NBEA: variants seen among roughly 807,000 people sequenced by gnomAD.
The protein encoded by NBEA is neurobeachin, also known as lysosomal-trafficking regulator 2.
Under a neutral mutation model 343.4 loss-of-function variants are expected in NBEA, and 44 were observed. That is an observed-to-expected ratio of 0.13 (90% CI 0.10 to 0.16). NBEA has a LOEUF of 0.16. Ranked by LOEUF, NBEA falls within the 10% of genes least tolerant of loss-of-function variation. NBEA has a pLI of 1.00. For missense variants in NBEA, 2,555 were observed against 3,631.3 expected (o/e 0.70, Z 7.62); for synonymous variants, 1,175 against 1,238.7 (o/e 0.95, Z 1.08).
intron 31 of NBEA, among the ~76,000 whole-genome samples, chr13:35,203,469 C>T (rs2073158826): frequency 6.6e-6 from 1 of 152,148 alleles, no homozygotes; most frequent in Non-Finnish European, 1.5e-5. Context: ...ATTTTTCTTA[C>T]AGCACTTAAC....
intron 1 of NBEA, among the ~76,000 whole-genome samples, chr13:34,999,981 G>A (rs1391548740): frequency 6.6e-6 from 1 of 152,058 alleles, no homozygotes; most frequent in Non-Finnish European, 1.5e-5. Flanking sequence ...TCTTCCTTCT[G>A]TCTGTCTACA....
chr13:35,316,738 G>C (rs939777566), intron 36 of NBEA, among the ~76,000 whole-genome samples: 1 of 152,122 alleles, frequency 6.6e-6, no homozygotes, highest in East Asian at 1.9e-4. Flanking sequence ...GTGTAACAGC[G>C]TTCCTATTTC....
rs9593306 is a variant in NBEA, at chr13:35,597,161, A to G, written c.7296+3714A>G. Among the ~76,000 whole-genome samples, 293 of 152,310 alleles carry G rather than the reference A, an allele frequency of 1.9e-3. 1 individual carries two copies. Among genetic ancestry groups the G allele is most frequent in the African/African-American group, 6.9e-3 (288 of 41,574 alleles). On this transcript the variant is annotated intron_variant, in intron 47 of 58. Coordinates refer to ENST00000379939, the MANE Select transcript of NBEA (RefSeq NM_001385012.1). The stretch of plus-strand genomic sequence containing the variant: ...AGCAGCTTGAACTTGTCATAAGCTT[A>G]TAAATTAGGAATCGCATTTGAGGAT...
In NBEA at chr13:35,309,224, TG is replaced by T. The variant is rs2037195708; in HGVS notation, c.5839-302del. Among the ~76,000 whole-genome samples the T allele has an allele frequency of 2.0e-5, 3 of 152,086 alleles. No homozygotes were observed. In the South Asian group the frequency reaches 6.2e-4, roughly 31 times the overall value. ...TTGTGTAGTCACATTAGGTCTCTTT[TG>T]GTCATTTGCTGTCTTTTGGAAAGAA... is the stretch of plus-strand genomic sequence containing the variant. On this transcript the variant is annotated intron_variant, in intron 35 of 58. Coordinates refer to ENST00000379939, the MANE Select transcript of NBEA (RefSeq NM_001385012.1).
chr13:35,156,096 G>A lies in NBEA; in HGVS notation c.2541G>A (p.Val847=). The change falls in exon 20 of 59, where the codon GTG becomes GTA. Residue 847 remains valine, a synonymous_variant. Transcript: ENST00000379939. ...CTTTGTTTACAGTGATTCTTAAAGT[G>A]GTGGCAACTTTGTTAAAAAACTCTA... The part of the protein sequence containing the change: ...VKIQNPMILK[V]VATLLKNSTP... 6.3e-7 allele frequency: 1 copy of A among 1,581,732 alleles called. No individual in the cohort carries two copies. The highest frequency in any genetic ancestry group is 8.6e-7 in the Non-Finnish European group (1 of 1,169,162).
intron 40 of NBEA, among the ~76,000 whole-genome samples, chr13:35,453,051 G>A (rs1310978534): frequency 6.6e-6 from 1 of 152,160 alleles, no homozygotes; most frequent in Admixed American, 6.5e-5. Context: ...AGGTTGAGGT[G>A]GCAGGTGGCA....
intron 49 of NBEA, among the ~76,000 whole-genome samples, chr13:35,640,576 A>G (rs1455943736): frequency 6.6e-6 from 1 of 152,228 alleles, no homozygotes; most frequent in African/African-American, 2.4e-5. Context: ...TCCCATGAAG[A>G]TGTCATAATT....
chr13:35,182,141 T>G (rs2071359961), intron 28 of NBEA, among the ~76,000 whole-genome samples: 1 of 151,500 alleles, frequency 6.6e-6, no homozygotes, highest in Non-Finnish European at 1.5e-5. Context: ...TTCTAGTTTT[T>G]GGAAATTACA....
At chr13:35,569,761 G>A (rs913833772) in intron 45 of NBEA, among the ~76,000 whole-genome samples, 3 of 152,142 alleles carry the variant, frequency 2.0e-5, no homozygotes, top group South Asian at 2.1e-4. Flanking sequence ...GTATAGTAGG[G>A]ACTGTGCCTC....
intron 38 of NBEA, among the ~76,000 whole-genome samples, chr13:35,353,203 A>C (rs2040288810): frequency 6.6e-6 from 1 of 152,152 alleles, no homozygotes; most frequent in South Asian, 2.1e-4. Context: ...TGGGAGGCCA[A>C]GGCTGCTGGA....
chr13:35,165,692 T>C (rs1477793985), intron 24 of NBEA, among the ~76,000 whole-genome samples: 1 of 149,592 alleles, frequency 6.7e-6, no homozygotes, highest in Non-Finnish European at 1.5e-5. Flanking sequence ...TTCTTTTCTT[T>C]TTTTTTTTTT....
At chr13:35,484,264 GTGTGTGTGTGTATATATA>G (rs927941037) in intron 41 of NBEA, among the ~76,000 whole-genome samples, 2 of 135,994 alleles carry the variant, frequency 1.5e-5, no homozygotes, top group African/African-American at 5.8e-5. Context: ...GTGTGTGTGT[GTGTGTGTGTGTATATATA>G]TATATATATA....
chr13:35,055,938 A>T (rs1415358559), intron 6 of NBEA, 72 bp from the exon 7 acceptor site: 6 of 1,242,108 alleles, frequency 4.8e-6, no homozygotes, highest in Non-Finnish European at 6.5e-6. Context: ...GGGTTTTATG[A>T]ATGTTACAAT....
chr13:35,580,887 C>T (rs957840538), intron 45 of NBEA, among the ~76,000 whole-genome samples: 5 of 152,072 alleles, frequency 3.3e-5, no homozygotes, highest in African/African-American at 4.8e-5. Context: ...TTTGATGAAA[C>T]TTGTGTAAAA....
At chr13:35,105,865 A>G (rs1420239804) in intron 11 of NBEA, among the ~76,000 whole-genome samples, 1 of 152,006 alleles carries the variant, frequency 6.6e-6, no homozygotes, top group Non-Finnish European at 1.5e-5. Context: ...TACACATTAT[A>G]TGTATATGTG....
chr13:35,502,859 T>C (rs941413239), intron 41 of NBEA, among the ~76,000 whole-genome samples: 2 of 152,166 alleles, frequency 1.3e-5, no homozygotes, highest in Non-Finnish European at 2.9e-5. Context: ...CCAAAGGAGC[T>C]ATAAATGGAA....
At chr13:35,519,831 A>G (rs999133786) in intron 41 of NBEA, among the ~76,000 whole-genome samples, 13 of 152,198 alleles carry the variant, frequency 8.5e-5, no homozygotes, top group Admixed American at 2.6e-4. Flanking sequence ...GTTATTAACT[A>G]TAGTTACTCT....
intron 17 of NBEA, 119 bp from the exon 18 acceptor site, chr13:35,142,149 GA>G: frequency 1.9e-6 from 1 of 518,470 alleles, no homozygotes; most frequent in East Asian, 3.0e-5. Context: ...GGAAGTTCAT[GA>G]AAATAATTAC....
At chr13:35,632,987 A>G (rs1013740588) in intron 49 of NBEA, among the ~76,000 whole-genome samples, 9 of 151,546 alleles carry the variant, frequency 5.9e-5, no homozygotes, top group Non-Finnish European at 2.9e-5. Context: ...ATATCCAGGG[A>G]AAGGCTTCAA....
Sources: gnomAD v4.1 joint callset for allele counts (sites outside exome capture counted in the v4.1 genomes callset) on GRCh38, gnomAD v4.1.1 for gene constraint, MANE v1.5 for transcripts, NCBI Gene and HGNC (gene_info 2026-07-23, HGNC 2026-07-21) for gene names.